Variants in CACNA1B observed in about 807,000 individuals in gnomAD.
CACNA1B encodes voltage-dependent N-type calcium channel subunit alpha-1B.
A neutral mutation model predicts 247.2 loss-of-function variants in CACNA1B; 70 were observed. That is an observed-to-expected ratio of 0.28 (90% confidence interval 0.23 to 0.35). The LOEUF is 0.35. CACNA1B is among the 10% of genes least tolerant of loss of function. CACNA1B has a pLI of 1.00. For synonymous variants in CACNA1B, 1,231 were observed against 1,294.4 expected (o/e 0.95, Z 1.05); for missense variants, 2,367 against 3,197.4 (o/e 0.74, Z 6.26).
intron 18 of CACNA1B, among the ~76,000 whole-genome samples, chr9:138,016,665 G>A (rs1344036689): frequency 4.0e-5 from 6 of 151,288 alleles, no homozygotes; most frequent in East Asian, 1.9e-4. Flanking sequence ...GAGACGGTGC[G>A]GTCAGCCTCC....
At position 138,051,476 on chromosome 9, in the gene CACNA1B, C is replaced by T. The variant is rs1301111574; in HGVS notation, c.3711-616C>T. Reference sequence around the variant, plus strand: ...CTCTCCCTCCCTCCCTCCCTCCCTCCTTCCCTCCCTCTCCCCTTGTTTGTC... The same window carrying T: ...CTCTCCCTCCCTCCCTCCCTCCCTCTTTCCCTCCCTCTCCCCTTGTTTGTC... On this transcript the variant is annotated intron_variant, in intron 24 of 46. Coordinates refer to ENST00000371372, the MANE Select transcript of CACNA1B (RefSeq NM_000718.4). The surrounding 1 kb of genome is among the most constrained non-coding windows in gnomAD (Gnocchi z 4.3). Among the ~76,000 whole-genome samples the T allele has an allele frequency of 6.7e-6, 1 of 149,784 alleles. No individual in the cohort carries two copies. Among genetic ancestry groups the T allele is most frequent in the South Asian group, 2.2e-4 (1 of 4,650 alleles).
At chr9:138,080,124 A>G (rs1960475845) in intron 36 of CACNA1B, among the ~76,000 whole-genome samples, 1 of 152,208 alleles carries the variant, frequency 6.6e-6, no homozygotes, top group Admixed American at 6.5e-5. Context: ...GCTTTTCTCT[A>G]GCCACATTCA....
At position 138,058,871 on chromosome 9, in the gene CACNA1B, G is replaced by A. The variant is rs1247994037; in HGVS notation, c.4473+138G>A. On this transcript the variant is annotated intron_variant, in intron 29 of 46. Coordinates refer to ENST00000371372, the MANE Select transcript of CACNA1B (RefSeq NM_000718.4). The surrounding 1 kb of genome is among the most constrained non-coding windows in gnomAD (Gnocchi z 4.7). ...TGGCCTTGCATCCTGGCCAGCATGG[G>A]ATGCCTGTGGAATCCTGTTTCCCTT... is the stretch of plus-strand genomic sequence containing the variant. The A allele has an allele frequency of 4.8e-6, 4 of 833,612 alleles. No homozygotes were observed. Among genetic ancestry groups the A allele is most frequent in the Non-Finnish European group, 3.9e-6 (2 of 517,926 alleles). The allele number at this position is 833,612 out of a possible 1,614,324, so 51.6% of individuals were successfully genotyped here. A position where few individuals can be genotyped will look rare whatever the true frequency, so the allele number is the denominator to read the frequency against.
chr9:138,023,122 C>G lies in CACNA1B; in HGVS notation c.2379C>G (p.Pro793=), dbSNP rs1279967719. ...AGGCGCTGTACAGCGAGATGGACCC[C>G]GAGGAGCGGCTGCGCTTCGCCACTA... is the stretch of plus-strand genomic sequence containing the variant. ...SCEALYSEMD[P]EERLRFATTR... Residue 793 remains proline, a synonymous_variant, in exon 19 of 47, where the codon CCC becomes CCG. Coordinates refer to ENST00000371372, the MANE Select transcript of CACNA1B (RefSeq NM_000718.4). The G allele has an allele frequency of 1.3e-6, 2 of 1,536,620 alleles. No homozygotes were observed. The highest frequency in any genetic ancestry group is 2.5e-5 in the East Asian group (1 of 40,210).
Position 138,023,168 on chromosome 9 carries a change from A to G in CACNA1B, c.2425A>G (p.Met809Val). 1 of 1,533,764 alleles carries G rather than the reference A, an allele frequency of 6.5e-7. No individual in the cohort carries two copies. Among genetic ancestry groups the G allele is most frequent in the Non-Finnish European group, 8.7e-7 (1 of 1,147,964 alleles). The change falls in exon 19 of 47, where the codon ATG (methionine) becomes GTG (valine). Residue 809 changes from methionine (M) to valine (V), a missense_variant. Transcript: ENST00000371372. ...FATTRHLRPD[M>V]KTHLDRPLVV... ...CACTACGCGCCACCTGCGGCCCGAC[A>G]TGAAGACGCACCTGGACCGGCCGCT...
chr9:138,023,069 C>T lies in CACNA1B; in HGVS notation c.2326C>T (p.Arg776Trp), dbSNP rs1382555334. 1 of 1,529,536 alleles carries T rather than the reference C, an allele frequency of 6.5e-7. No individual in the cohort carries two copies. The allele number at this position is 1,529,536 out of a possible 1,614,324, so 94.7% of individuals were successfully genotyped here. The change falls in exon 19 of 47, where the codon CGG (arginine) becomes TGG (tryptophan). Residue 776 changes from arginine to tryptophan, a missense_variant. Physicochemically the swap from Arg to Trp is moderately radical, Grantham distance 101 (BLOSUM62 -3). Around this residue, in one of 12 missense-constraint regions of CACNA1B, gnomAD observed 631 missense variants for 631.1 expected, o/e 1.00. Coordinates refer to ENST00000371372, the MANE Select transcript of CACNA1B (RefSeq NM_000718.4). ...SVWEQRASQL[R>W]LQNLRASCEA... The stretch of plus-strand genomic sequence containing the variant: ...GTGGGAGCAGCGGGCCAGCCAGCTA[C>T]GGCTGCAGAACCTGCGGGCCAGCTG...
chr9:138,071,941 C>T (rs1487944181), intron 32 of CACNA1B, among the ~76,000 whole-genome samples: 4 of 152,000 alleles, frequency 2.6e-5, no homozygotes, highest in South Asian at 2.1e-4. Flanking sequence ...TCTCTTGACA[C>T]GGGACTGCGG....
rs377217008 is a variant in CACNA1B, at chr9:138,092,544, G to A, written c.5095-3940G>A. Among the ~76,000 whole-genome samples the A allele has an allele frequency of 6.6e-4, 101 of 152,198 alleles. 1 individual carries two copies. The South Asian group carries it at 0.02, about 31-fold the overall frequency. On this transcript the variant is annotated intron_variant, in intron 36 of 46. Transcript: ENST00000371372. ...TTTTAGGATGACCAGATTTCATATCGTTCAAACACACATGTTTTACTAACA... is the reference window on the plus strand; with the variant it reads ...TTTTAGGATGACCAGATTTCATATCATTCAAACACACATGTTTTACTAACA...
intron 15 of CACNA1B, among the ~76,000 whole-genome samples, chr9:137,994,481 C>T (rs1274919999): frequency 1.3e-5 from 2 of 152,204 alleles, no homozygotes; most frequent in Non-Finnish European, 2.9e-5. Context: ...GCTCCTAGAA[C>T]TGATAAAAGA....
intron 6 of CACNA1B, among the ~76,000 whole-genome samples, chr9:137,931,966 C>G (rs755718977): frequency 6.6e-6 from 1 of 152,122 alleles, no homozygotes; most frequent in Non-Finnish European, 1.5e-5. Flanking sequence ...ATCTTAGGGG[C>G]CCAGTCAGCT....
intron 7 of CACNA1B, among the ~76,000 whole-genome samples, chr9:137,953,661 A>G (rs1430027194): frequency 6.6e-6 from 1 of 151,846 alleles, no homozygotes; most frequent in African/African-American, 2.4e-5. Context: ...CTCAGCTGAG[A>G]CCCCACTGGG....
At chr9:137,951,553 GCA>G (rs773180146) in intron 6 of CACNA1B, among the ~76,000 whole-genome samples, 1 of 152,228 alleles carries the variant, frequency 6.6e-6, no homozygotes, top group Non-Finnish European at 1.5e-5. Context: ...CACCAGACTT[GCA>G]GGGAGAAAGA....
At position 137,986,270 on chromosome 9, in the gene CACNA1B, C is replaced by A. The variant is rs901668357; in HGVS notation, c.1770-143C>A. On this transcript the variant is annotated intron_variant, in intron 13 of 46. Transcript: ENST00000371372. This position sits in a 1 kb window ranked among gnomAD's most constrained non-coding sequence, Gnocchi z 6.0. Reference sequence around the variant, plus strand: ...AGTCCAGGGTAGTGGGCCTGAAACTCCAGAGAAAAGCTCTAACTTCACACC... The same window carrying A: ...AGTCCAGGGTAGTGGGCCTGAAACTACAGAGAAAAGCTCTAACTTCACACC... 3 of 901,430 alleles carry A rather than the reference C, an allele frequency of 3.3e-6. No homozygotes were observed. Among genetic ancestry groups the A allele is most frequent in the Admixed American group, 2.7e-5 (1 of 36,782 alleles). The allele number at this position is 901,430 out of a possible 1,614,324, so 55.8% of individuals were successfully genotyped here.
intron 36 of CACNA1B, among the ~76,000 whole-genome samples, chr9:138,095,828 T>G (rs1322731559): frequency 6.6e-6 from 1 of 151,828 alleles, no homozygotes; most frequent in Non-Finnish European, 1.5e-5. Context: ...TTGAAAACAT[T>G]AAGCTAAGTG....
rs1958180692 is a variant in CACNA1B, at chr9:137,973,448, C to T, written c.1543+1856C>T. On this transcript the variant is annotated intron_variant, in intron 11 of 46. Coordinates refer to ENST00000371372, the MANE Select transcript of CACNA1B (RefSeq NM_000718.4). The surrounding 1 kb of genome is among the most constrained non-coding windows in gnomAD (Gnocchi z 4.1). ...CGGCTGTCCATTCTCCAAGGACCTG[C>T]CCTCAATGCATTGCCAGAACCTTCA... Among the ~76,000 whole-genome samples the T allele has an allele frequency of 6.6e-6, 1 of 152,136 alleles. No homozygotes were observed. Among genetic ancestry groups the T allele is most frequent in the South Asian group, 2.1e-4 (1 of 4,816 alleles).
At chr9:137,908,992 CTTT>C (rs35407113) in intron 3 of CACNA1B, among the ~76,000 whole-genome samples, 1 of 134,992 alleles carries the variant, frequency 7.4e-6, no homozygotes, top group Non-Finnish European at 1.6e-5. Context: ...CTGTTTTAAC[CTTT>C]TTTTTTTTTT....
chr9:137,882,903 G>A lies in CACNA1B; in HGVS notation c.530+20G>A. The A allele has an allele frequency of 6.2e-7, 1 of 1,609,432 alleles. No individual in the cohort carries two copies. The highest frequency in any genetic ancestry group is 8.5e-7 in the Non-Finnish European group (1 of 1,176,394). On this transcript the variant is annotated intron_variant, in intron 3 of 46. Transcript: ENST00000371372. This position sits in a 1 kb window ranked among gnomAD's most constrained non-coding sequence, Gnocchi z 4.0. The stretch of plus-strand genomic sequence containing the variant: ...CACAGGGTAGGCAAGCTGAGGCCAG[G>A]AGGCCCAGCGTGTGAGGCCCGGGCG...
intron 15 of CACNA1B, among the ~76,000 whole-genome samples, chr9:137,988,320 G>C (rs2133385249): frequency 6.6e-6 from 1 of 152,264 alleles, no homozygotes; most frequent in East Asian, 1.9e-4. Context: ...GGCAGGTGTG[G>C]GATGGGAAAC....
rs1229800279 is a variant in CACNA1B at position 138,115,540 on chromosome 9, C to T, written c.5650-12C>T. The T allele has an allele frequency of 4.3e-6, 7 of 1,610,420 alleles. No homozygotes were observed. In the African/African-American group the frequency reaches 8.0e-5, roughly 18 times the overall value. ...ATTGGAGCTCTTTCCCTTCCCTTTG[C>T]CTCCTTTGCAGATGGGTCCTGTGTC... On this transcript the variant is annotated splice_polypyrimidine_tract_variant and intron_variant, in intron 41 of 46. Transcript: ENST00000371372.
Sources: allele counts gnomAD v4.1 joint callset (sites outside exome capture counted in the v4.1 genomes callset), GRCh38; gene constraint gnomAD v4.1.1; regional missense constraint gnomAD v4.1.1; non-coding constraint Gnocchi (gnomAD v3.1); transcripts MANE v1.5; gene names NCBI Gene and HGNC (gene_info 2026-07-23, HGNC 2026-07-21).